The following NRG3 variants were observed in gnomAD, a reference collection of about 807,000 sequenced individuals.
The protein encoded by NRG3 is neuregulin 3.
In NRG3, 31 loss-of-function variants were observed where a neutral mutation model predicts 66.9. That is an observed-to-expected ratio of 0.46 (90% CI 0.35 to 0.63). The LOEUF is 0.63. NRG3 is among the 20% of genes least tolerant of loss of function. The pLI, the probability that NRG3 is intolerant of heterozygous loss-of-function variation, is 0.00. For missense variants in NRG3, 910 were observed against 878.9 expected, an observed-to-expected ratio of 1.04 and a Z score of -0.45; for synonymous variants, 393 against 359.4, an observed-to-expected ratio of 1.09 and a Z score of -1.06.
At chr10:82,650,162 G>T (rs546927228) in intron 2 of NRG3, among the ~76,000 whole-genome samples, 3 of 152,060 alleles carry the variant, frequency 2.0e-5, no homozygotes, top group Non-Finnish European at 2.9e-5. Context: ...AAAATATTAC[G>T]CTTCTTCTTT....
At chr10:82,082,244 A>G (rs1590041420) in intron 1 of NRG3, among the ~76,000 whole-genome samples, 1 of 152,324 alleles carries the variant, frequency 6.6e-6, no homozygotes, top group South Asian at 2.1e-4. Context: ...AAATTAAGGG[A>G]TCTGAAACAT....
chr10:82,205,198 T>C (rs375832246), intron 1 of NRG3, among the ~76,000 whole-genome samples: 7 of 152,232 alleles, frequency 4.6e-5, no homozygotes, highest in East Asian at 1.9e-4. Flanking sequence ...TCTTTCCATT[T>C]CTTAAACATA....
At chr10:82,856,754 A>AC (rs2063827120) in intron 3 of NRG3, among the ~76,000 whole-genome samples, 1 of 132,852 alleles carries the variant, frequency 7.5e-6, no homozygotes. Flanking sequence ...AAAAAAAAAA[A>AC]ACAAAAAAAA....
intron 2 of NRG3, among the ~76,000 whole-genome samples, chr10:82,656,674 G>C (rs550130798): frequency 1.3e-5 from 2 of 152,132 alleles, no homozygotes; most frequent in East Asian, 3.9e-4. Context: ...AGCCCTGCCT[G>C]GTACCTGTCC....
At chr10:81,963,125 C>CTTTTTTTTTTTTTTTT (rs777026850) in intron 1 of NRG3, among the ~76,000 whole-genome samples, 1 of 70,122 alleles carries the variant, frequency 1.4e-5, no homozygotes, top group African/African-American at 6.4e-5. Context: ...CACGAGGGCT[C>CTTTTTTTTTTTTTTTT]TTTTTTTTTT....
intron 1 of NRG3, among the ~76,000 whole-genome samples, chr10:81,929,288 C>T (rs985693047): frequency 1.3e-5 from 2 of 152,118 alleles, no homozygotes; most frequent in African/African-American, 4.8e-5. Context: ...TTCTAAAATC[C>T]CTGCAATACC....
At chr10:82,088,019 G>A (rs924703338) in intron 1 of NRG3, among the ~76,000 whole-genome samples, 2 of 152,064 alleles carry the variant, frequency 1.3e-5, no homozygotes, top group Non-Finnish European at 2.9e-5. Context: ...TCCTCAACTT[G>A]CTCTTCCCCA....
chr10:82,126,448 C>A (rs1040176227), intron 1 of NRG3, among the ~76,000 whole-genome samples: 3 of 151,992 alleles, frequency 2.0e-5, no homozygotes, highest in Non-Finnish European at 4.4e-5. Flanking sequence ...TCTAGACAAT[C>A]TTTTGGCCCA....
intron 2 of NRG3, among the ~76,000 whole-genome samples, chr10:82,596,808 A>C (rs1330912639): frequency 6.6e-6 from 1 of 152,182 alleles, no homozygotes; most frequent in Non-Finnish European, 1.5e-5. Context: ...AGTCTATGGC[A>C]ATGCTCCAAG....
intron 2 of NRG3, among the ~76,000 whole-genome samples, chr10:82,550,028 A>C (rs906928008): frequency 1.3e-5 from 2 of 152,130 alleles, no homozygotes; most frequent in Non-Finnish European, 2.9e-5. Context: ...ATTTTCCCTC[A>C]TCTAAAGAAA....
intron 2 of NRG3, among the ~76,000 whole-genome samples, chr10:82,518,963 T>C (rs962901539): frequency 6.6e-6 from 1 of 152,192 alleles, no homozygotes; most frequent in African/African-American, 2.4e-5. Flanking sequence ...ATATTATGTG[T>C]GTTCCCCTAT....
intron 1 of NRG3, among the ~76,000 whole-genome samples, chr10:82,257,683 CTT>C (rs1312280610): frequency 2.0e-5 from 3 of 152,046 alleles, no homozygotes; most frequent in Admixed American, 1.3e-4. Context: ...GGTAGGATTG[CTT>C]GAACCTGGGA....
At chr10:82,705,881 T>A (rs2056253432) in intron 2 of NRG3, among the ~76,000 whole-genome samples, 1 of 152,216 alleles carries the variant, frequency 6.6e-6, no homozygotes, top group Non-Finnish European at 1.5e-5. Flanking sequence ...CTATGTCTAC[T>A]TTCATACAAT....
intron 3 of NRG3, among the ~76,000 whole-genome samples, chr10:82,854,795 TA>T (rs1254078721): frequency 6.6e-6 from 1 of 152,204 alleles, no homozygotes; most frequent in Non-Finnish European, 1.5e-5. Flanking sequence ...TCCTCCTGGT[TA>T]GGGTCTCAAC....
intron 1 of NRG3, among the ~76,000 whole-genome samples, chr10:82,061,986 C>T (rs1033142199): frequency 1.3e-5 from 2 of 152,120 alleles, no homozygotes. Context: ...CTGCATGGTG[C>T]AAATCTATAT....
rs148882016 is a variant in NRG3 at position 82,219,949 on chromosome 10, G to A, written c.824-138790G>A. Among the ~76,000 whole-genome samples the A allele has an allele frequency of 1.2e-3, 179 of 152,010 alleles. 2 individuals carry two copies. The East Asian group carries it at 0.026, about 22-fold the overall frequency. ...AAGATATACATACACACAACTTTAC[G>A]AGAGTAAATAATAAGTAAAGATATA... On this transcript the variant is annotated intron_variant, in intron 1 of 8. Transcript: ENST00000372141.
intron 3 of NRG3, among the ~76,000 whole-genome samples, chr10:82,859,512 G>A (rs755827273): frequency 6.6e-6 from 1 of 152,078 alleles, no homozygotes; most frequent in Non-Finnish European, 1.5e-5. Context: ...CGATGTTTTC[G>A]CTTGCTCTGT....
intron 4 of NRG3, among the ~76,000 whole-genome samples, chr10:82,912,130 G>C (rs1005112345): frequency 6.6e-6 from 1 of 152,144 alleles, no homozygotes; most frequent in Non-Finnish European, 1.5e-5. Flanking sequence ...TGAGAAGAAT[G>C]TGTATTCTGC....
intron 1 of NRG3, among the ~76,000 whole-genome samples, chr10:82,146,330 G>T (rs1275419707): frequency 2.6e-5 from 4 of 151,974 alleles, no homozygotes; most frequent in Non-Finnish European, 4.4e-5. Flanking sequence ...GGGTTGTCTG[G>T]GATTTTATCC....
Sources: gnomAD v4.1 joint callset for allele counts (sites outside exome capture counted in the v4.1 genomes callset) on GRCh38, gnomAD v4.1.1 for gene constraint, MANE v1.5 for transcripts, NCBI Gene and HGNC (gene_info 2026-07-23, HGNC 2026-07-21) for gene names.